The following ASTN2 variants were observed in gnomAD, a reference collection of about 807,000 sequenced individuals.
ASTN2 encodes astrotactin-2.
Under a neutral mutation model 139.8 loss-of-function variants are expected in ASTN2, and 54 were observed. The observed-to-expected ratio is 0.39, with a 90% CI of 0.31 to 0.48. ASTN2 has a LOEUF of 0.48. ASTN2 is among the 20% of genes least tolerant of loss of function. The probability of loss-of-function intolerance (pLI) is 0.95; values close to 1 mark genes in which losing one functional copy is unlikely to be tolerated. For missense variants in ASTN2, 1,565 were observed against 1,725.1 expected (o/e 0.91, Z 1.64); for synonymous variants, 756 against 719.5 (o/e 1.05, Z -0.81).
At chr9:116,700,750 A>G (rs1588221105) in intron 16 of ASTN2, 1 of 167,032 alleles carries the variant, frequency 6.0e-6, no homozygotes, top group East Asian at 1.9e-4. Context: ...CTGTTTCTTC[A>G]TCTCTGGTGT....
chr9:117,060,967 A>T (rs1210752995), intron 5 of ASTN2, among the ~76,000 whole-genome samples: 7 of 152,132 alleles, frequency 4.6e-5, no homozygotes. Flanking sequence ...CACTAGGAAA[A>T]TTGGCAAATA....
At chr9:117,108,458 C>CACACACAT (rs1829164546) in intron 4 of ASTN2, among the ~76,000 whole-genome samples, 1 of 151,798 alleles carries the variant, frequency 6.6e-6, no homozygotes, top group Admixed American at 6.6e-5. Context: ...CACACACACA[C>CACACACAT]ACACACACAC....
chr9:116,577,285 T>C (rs1055392638), intron 19 of ASTN2, among the ~76,000 whole-genome samples: 1 of 152,116 alleles, frequency 6.6e-6, no homozygotes, highest in African/African-American at 2.4e-5. Context: ...CCTCAGCATT[T>C]TGGGTAGTCA....
At chr9:116,665,522 G>C (rs1194246777) in intron 16 of ASTN2, among the ~76,000 whole-genome samples, 2 of 152,034 alleles carry the variant, frequency 1.3e-5, no homozygotes, top group Non-Finnish European at 2.9e-5. Flanking sequence ...AATGTACTAG[G>C]CAATAAATAC....
At chr9:116,563,617 T>C (rs1588007929) in intron 19 of ASTN2, among the ~76,000 whole-genome samples, 1 of 152,254 alleles carries the variant, frequency 6.6e-6, no homozygotes. Context: ...CTTTTCTGAC[T>C]TACTTATTTA....
In ASTN2 at chr9:116,592,860, TG is replaced by T. The variant is rs528711571; in HGVS notation, c.3355+25463del. Among the ~76,000 whole-genome samples, 979 of 152,318 alleles carry T rather than the reference TG, an allele frequency of 6.4e-3. 48 individuals carry two copies. The highest frequency in any genetic ancestry group is 9.7e-4 in the Non-Finnish European group (66 of 68,024). On this transcript the variant is annotated intron_variant, in intron 19 of 22. Transcript: ENST00000313400. ...AAGCAAGTCTCCTACAACCCATTCA[TG>T]GATCTTTTCCCTTCATAATGTTGCC... is the stretch of plus-strand genomic sequence containing the variant.
chr9:116,902,964 A>G (rs1185518062), intron 10 of ASTN2, among the ~76,000 whole-genome samples: 1 of 152,104 alleles, frequency 6.6e-6, no homozygotes, highest in Non-Finnish European at 1.5e-5. Flanking sequence ...CACTTTGACC[A>G]CATCTCCCAT....
intron 13 of ASTN2, among the ~76,000 whole-genome samples, chr9:116,749,619 G>T (rs562372620): frequency 3.9e-5 from 6 of 152,166 alleles, no homozygotes; most frequent in East Asian, 1.9e-4. Flanking sequence ...CCTACTTTTG[G>T]GGGGCAGGAA....
chr9:116,585,763 G>T lies in ASTN2; in HGVS notation c.3355+32561C>A, dbSNP rs1454651612. 2.0e-5 allele frequency: 3 copies of T among 152,240 alleles called. No individual in the cohort carries two copies. The South Asian group carries it at 6.2e-4, about 32-fold the overall frequency. The allele number at this position is 152,240 out of a possible 1,614,324, so 9.4% of individuals were successfully genotyped here. On this transcript the variant is annotated intron_variant, in intron 19 of 22. Transcript: ENST00000313400. ...CATTCTCAATGTCAGCCTTGGGAAA[G>T]AATTTATGATTAAGTCTTCAAATGC...
intron 6 of ASTN2, among the ~76,000 whole-genome samples, chr9:117,015,814 G>A (rs752671952): frequency 6.6e-6 from 1 of 151,892 alleles, no homozygotes; most frequent in Non-Finnish European, 1.5e-5. Flanking sequence ...TTAAGATTGG[G>A]GTTTCCTGGA....
chr9:116,426,270 T>C (rs868801880), intron 22 of ASTN2, among the ~76,000 whole-genome samples, 182 bp from the exon 23 acceptor site: 5 of 152,164 alleles, frequency 3.3e-5, no homozygotes, highest in Non-Finnish European at 7.4e-5. Flanking sequence ...CTTCTTCAAT[T>C]GTGCAATGTG....
chr9:116,951,294 G>A (rs1017329045), intron 10 of ASTN2, among the ~76,000 whole-genome samples: 3 of 119,146 alleles, frequency 2.5e-5, no homozygotes, highest in Admixed American at 1.2e-4. Flanking sequence ...CCAAGATCAC[G>A]CCACTGCACT....
chr9:116,532,536 G>A (rs907760204), intron 19 of ASTN2, among the ~76,000 whole-genome samples: 1 of 152,160 alleles, frequency 6.6e-6, no homozygotes, highest in African/African-American at 2.4e-5. Flanking sequence ...ATTAATTTTT[G>A]TATAAGGTGT....
At chr9:116,582,338 C>G (rs1853982670) in intron 19 of ASTN2, 1 of 152,190 alleles carries the variant, frequency 6.6e-6, no homozygotes, top group African/African-American at 2.4e-5. Flanking sequence ...TCCTTTGCAG[C>G]TTTCCTAGAA....
intron 2 of ASTN2, among the ~76,000 whole-genome samples, chr9:117,275,576 T>C (rs1457060577): frequency 6.7e-6 from 1 of 149,578 alleles, no homozygotes; most frequent in African/African-American, 2.5e-5. Context: ...TTTTTTTTTT[T>C]TTTTTTTGAG....
intron 1 of ASTN2, among the ~76,000 whole-genome samples, chr9:117,307,388 C>T (rs989406953): frequency 6.6e-6 from 1 of 152,218 alleles, no homozygotes; most frequent in African/African-American, 2.4e-5. Context: ...TATAAAACTG[C>T]TCCCTCCTAA....
intron 4 of ASTN2, among the ~76,000 whole-genome samples, chr9:117,097,832 C>T (rs1828876365): frequency 6.6e-6 from 1 of 152,202 alleles, no homozygotes; most frequent in South Asian, 2.1e-4. Context: ...AGAAATTCTA[C>T]TTGCAGACAC....
chr9:117,019,235 C>T (rs1267090933), intron 6 of ASTN2, among the ~76,000 whole-genome samples: 1 of 151,990 alleles, frequency 6.6e-6, no homozygotes, highest in Non-Finnish European at 1.5e-5. Context: ...TAATTCAATA[C>T]TTAATATCTC....
At chr9:116,694,627 A>ATTTTT (rs11340280) in intron 16 of ASTN2, among the ~76,000 whole-genome samples, 3 of 128,050 alleles carry the variant, frequency 2.3e-5, no homozygotes, top group Non-Finnish European at 4.9e-5. Context: ...CGCCCAGCTA[A>ATTTTT]TTTTTTTTTT....
Sources: gnomAD v4.1 joint callset for allele counts (sites outside exome capture counted in the v4.1 genomes callset) on GRCh38, gnomAD v4.1.1 for gene constraint, MANE v1.5 for transcripts, NCBI Gene and HGNC (gene_info 2026-07-23, HGNC 2026-07-21) for gene names.